DSE: variants seen among roughly 807,000 people sequenced by gnomAD.
The protein encoded by DSE is dermatan sulfate epimerase, also known as dermatan-sulfate epimerase.
Under a neutral mutation model 84.4 loss-of-function variants are expected in DSE, and 36 were observed. That is an observed-to-expected ratio of 0.43 (90% confidence interval 0.33 to 0.56). The LOEUF (loss-of-function observed/expected upper bound fraction) is 0.56. DSE is among the 20% of genes least tolerant of loss of function. DSE has a pLI of 0.06. For missense variants in DSE, 862 were observed against 1,169.6 expected (o/e 0.74, Z 3.84); for synonymous variants, 410 against 430.1 (o/e 0.95, Z 0.58).
chr6:116,421,400 A>G (rs1437350594), intron 2 of DSE, among the ~76,000 whole-genome samples: 2 of 144,536 alleles, frequency 1.4e-5, no homozygotes, highest in African/African-American at 5.2e-5. Flanking sequence ...AGCTCATTTC[A>G]TATTAACATA....
rs1200500093 is a variant in DSE, at chr6:116,436,042, T to C, written c.1574T>C (p.Val525Ala). ...HDLAASCQGRVVAAEEKNGVV... is the reference protein window; with the variant it reads ...HDLAASCQGRAVAAEEKNGVV... ...CTGGCAGCTAGTTGTCAGGGGAGGGTGGTTGCAGCAGAGGAGAAAAATGGG... is the reference window on the plus strand; with the variant it reads ...CTGGCAGCTAGTTGTCAGGGGAGGGCGGTTGCAGCAGAGGAGAAAAATGGG... The change falls in exon 6 of 6, where the codon GTG becomes GCG. Residue 525 changes from valine to alanine, a missense_variant. Around this residue, in one of 4 missense-constraint regions of DSE, gnomAD observed 186 missense variants for 255.1 expected, o/e 0.73. Coordinates refer to ENST00000644252, the MANE Select transcript of DSE (RefSeq NM_013352.4). The C allele has an allele frequency of 3.7e-6, 6 of 1,613,484 alleles. No individual in the cohort carries two copies. In the African/African-American group the frequency reaches 8.0e-5, roughly 22 times the overall value.
At chr6:116,413,762 C>T (rs1376853350) in intron 2 of DSE, among the ~76,000 whole-genome samples, 1 of 152,072 alleles carries the variant, frequency 6.6e-6, no homozygotes, top group African/African-American at 2.4e-5. Context: ...ATATATTAAC[C>T]GTACTCTAAG....
upstream of DSE, chr6:116,370,775 G>A (rs1779487317): frequency 1.1e-5 from 11 of 958,160 alleles, no homozygotes; most frequent in Non-Finnish European, 1.4e-5. Context: ...CGGGCCTGCG[G>A]TCGGGGTTCG....
chr6:116,344,810 A>G (rs1583057075), intron 2 of DSE, among the ~76,000 whole-genome samples: 1 of 152,256 alleles, frequency 6.6e-6, no homozygotes, highest in Non-Finnish European at 1.5e-5. Flanking sequence ...AAATGCTCCA[A>G]TTAAAAGACA....
chr6:116,371,297 C>T (rs566827335), intron 1 of DSE, among the ~76,000 whole-genome samples, 176 bp downstream of exon 1: 2 of 152,204 alleles, frequency 1.3e-5, no homozygotes, highest in Non-Finnish European at 2.9e-5. Context: ...GGCTGGACTC[C>T]GAGAGAGCGC....
At chr6:116,258,788 G>A in exon 2 of DSE, 1 of 1,609,826 alleles carries the variant, frequency 6.2e-7, no homozygotes, top group Non-Finnish European at 8.5e-7. Flanking sequence ...ACCAGGACCT[G>A]CAGAGGGTTC....
chr6:116,370,447 G>C (rs1044978813), upstream of DSE: 4 of 987,440 alleles, frequency 4.1e-6, no homozygotes, highest in Admixed American at 1.2e-4. Context: ...CGAGAGAAAA[G>C]AGGCAGTAAC....
intron 2 of DSE, among the ~76,000 whole-genome samples, chr6:116,402,473 A>G (rs1206272060): frequency 2.0e-5 from 3 of 152,204 alleles, no homozygotes; most frequent in African/African-American, 4.8e-5. Flanking sequence ...TAGGGTTGCT[A>G]GGAAGATTAA....
chr6:116,426,498 G>A (rs1040907615), intron 2 of DSE, 76 bp from the exon 3 acceptor site: 22 of 1,551,598 alleles, frequency 1.4e-5, no homozygotes, highest in Non-Finnish European at 1.9e-5. Flanking sequence ...TTAGTTCTGA[G>A]AAATAGACAC....
Position 116,409,993 on chromosome 6 carries a change from T to C in DSE, c.416+10327T>C, listed in dbSNP as rs148538012. Among the ~76,000 whole-genome samples, 27 of 151,942 alleles carry C rather than the reference T, an allele frequency of 1.8e-4. No individual in the cohort carries two copies. In the East Asian group the frequency reaches 5.2e-3, roughly 30 times the overall value. On this transcript the variant is annotated intron_variant, in intron 2 of 5. Coordinates refer to ENST00000644252, the MANE Select transcript of DSE (RefSeq NM_013352.4). ...GTGTAGGGAGGAAACTAGCAAGTGT[T>C]GAGGCTTTGGGTAGAGAGCCAGATG... is the stretch of plus-strand genomic sequence containing the variant.
At chr6:116,361,548 C>T (rs1391831792) in intron 2 of DSE, among the ~76,000 whole-genome samples, 1 of 152,042 alleles carries the variant, frequency 6.6e-6, no homozygotes, top group Non-Finnish European at 1.5e-5. Flanking sequence ...CCCAGCTGCT[C>T]AGGAGGCTAA....
At chr6:116,330,126 ATACTAATG>A (rs1776852191) in intron 2 of DSE, among the ~76,000 whole-genome samples, 1 of 152,210 alleles carries the variant, frequency 6.6e-6, no homozygotes, top group Admixed American at 6.5e-5. Context: ...CGCCTGGCCC[ATACTAATG>A]TACTTAAAAA....
chr6:116,331,033 G>A (rs533311558), intron 2 of DSE, among the ~76,000 whole-genome samples: 6 of 152,138 alleles, frequency 3.9e-5, no homozygotes, highest in Non-Finnish European at 8.8e-5. Context: ...TATGATAATT[G>A]TACTAGATGC....
At chr6:116,369,187 T>C (rs1052501137), upstream of DSE, among the ~76,000 whole-genome samples, 2 of 152,206 alleles carry the variant, frequency 1.3e-5, no homozygotes, top group African/African-American at 2.4e-5. Context: ...GGGGTCCCCA[T>C]TGGAAAGAAT....
chr6:116,395,633 A>G (rs190124107), intron 1 of DSE, among the ~76,000 whole-genome samples: 1 of 152,300 alleles, frequency 6.6e-6, no homozygotes. Context: ...ATCTGTAGAA[A>G]TCTCAGGTTT....
intron 2 of DSE, among the ~76,000 whole-genome samples, chr6:116,297,183 T>A (rs1289355717): frequency 2.0e-5 from 3 of 152,046 alleles, no homozygotes; most frequent in African/African-American, 7.2e-5. Context: ...TGCTAGGGAA[T>A]TGATACCCTA....
rs1320893381 is a variant in DSE at position 116,440,796 on chromosome 6, G to T, written c.*3451G>T. ...GCTTAATTCAGGAAAAAAGGAGTTA[G>T]GGAAGTCTGAAGGTCTAACTCAAAG... On this transcript the variant is annotated 3_prime_UTR_variant, in exon 6 of 6. Transcript: ENST00000644252. 6.6e-6 allele frequency: 1 copy of T among 152,100 alleles called. No homozygotes were observed. The highest frequency in any genetic ancestry group is 1.5e-5 in the Non-Finnish European group (1 of 68,010). The allele number at this position is 152,100 out of a possible 1,614,324, so 9.4% of individuals were successfully genotyped here.
intron 2 of DSE, among the ~76,000 whole-genome samples, chr6:116,276,226 G>A (rs896249687): frequency 2.6e-5 from 4 of 152,158 alleles, no homozygotes; most frequent in Admixed American, 6.6e-5. Context: ...AAGAAAAAAA[G>A]GAAGTTTTTA....
rs778282572 is a variant in DSE at position 116,436,933 on chromosome 6, T to C, written c.2465T>C (p.Val822Ala). 8.1e-6 allele frequency: 13 copies of C among 1,614,018 alleles called. No individual in the cohort carries two copies. The highest frequency in any genetic ancestry group is 1.1e-5 in the Non-Finnish European group (13 of 1,180,004). ...AAACGCTATAAATTTGTGGATGCTGTCCCTGATATTTTTGCACAGATTGAA... is the reference window on the plus strand; with the variant it reads ...AAACGCTATAAATTTGTGGATGCTGCCCCTGATATTTTTGCACAGATTGAA... ...AGKRYKFVDA[V>A]PDIFAQIEVN... Residue 822 changes from valine to alanine, a missense_variant, in exon 6 of 6, where the codon GTC becomes GCC. Coordinates refer to ENST00000644252, the MANE Select transcript of DSE (RefSeq NM_013352.4).
Sources: allele counts gnomAD v4.1 joint callset (sites outside exome capture counted in the v4.1 genomes callset), GRCh38; gene constraint gnomAD v4.1.1; regional missense constraint gnomAD v4.1.1; transcripts MANE v1.5; gene names NCBI Gene and HGNC (gene_info 2026-07-23, HGNC 2026-07-21).